TAB1: variants seen among roughly 807,000 people sequenced by gnomAD.
The protein encoded by TAB1 is TGF-beta activated kinase 1 (MAP3K7) binding protein 1.
TAB1 carries 30 observed loss-of-function variants against 54.5 expected under a neutral mutation model. That is an observed-to-expected ratio of 0.55 (90% CI 0.41 to 0.75). The LOEUF is 0.75. TAB1 is among the 30% of genes least tolerant of loss of function. The pLI, the probability that TAB1 is intolerant of heterozygous loss-of-function variation, is 0.00. For missense variants in TAB1, 609 were observed against 683.2 expected (o/e 0.89, Z 1.21); for synonymous variants, 289 against 286.9 (o/e 1.01, Z -0.07).
At chr22:39,407,347 C>G (rs1048688051) in intron 1 of TAB1, among the ~76,000 whole-genome samples, 4 of 152,206 alleles carry the variant, frequency 2.6e-5, no homozygotes, top group Non-Finnish European at 5.9e-5. Flanking sequence ...GTCCTATCAA[C>G]TGCAAATAGA....
At chr22:39,426,139 G>A (rs1458878631) in intron 8 of TAB1, among the ~76,000 whole-genome samples, 2 of 152,186 alleles carry the variant, frequency 1.3e-5, no homozygotes, top group African/African-American at 2.4e-5. Flanking sequence ...GATTACAGGC[G>A]CAAGCCACTG....
downstream of TAB1, among the ~76,000 whole-genome samples, chr22:39,435,392 C>T (rs1296119972): frequency 6.6e-6 from 1 of 152,162 alleles, no homozygotes; most frequent in African/African-American, 2.4e-5. Flanking sequence ...TAATGAAACT[C>T]TCCACTGCTC....
At position 39,416,231 on chromosome 22, in the gene TAB1, C is replaced by A. The variant is rs796563926; in HGVS notation, c.325-560C>A. 2.6e-5 allele frequency among the ~76,000 whole-genome samples: 4 copies of A among 152,298 alleles called. No individual in the cohort carries two copies. The South Asian group carries it at 8.3e-4, about 32-fold the overall frequency. On this transcript the variant is annotated intron_variant, in intron 3 of 10. Coordinates refer to ENST00000216160, the MANE Select transcript of TAB1 (RefSeq NM_006116.3). ...TTCCTGCCCTTCACGACCTCAGGCTCCATTGCCAGTGATTCTCAGCAGATC... is the reference window on the plus strand; with the variant it reads ...TTCCTGCCCTTCACGACCTCAGGCTACATTGCCAGTGATTCTCAGCAGATC...
intron 1 of TAB1, among the ~76,000 whole-genome samples, chr22:39,413,726 A>G (rs973244479): frequency 2.0e-5 from 3 of 152,230 alleles, no homozygotes; most frequent in Non-Finnish European, 4.4e-5. Flanking sequence ...CACCCAGCCA[A>G]TACAAATTTT....
chr22:39,433,310 A>T (rs1885504655), downstream of TAB1: 1 of 785,386 alleles, frequency 1.3e-6, no homozygotes, highest in Admixed American at 6.2e-5. Flanking sequence ...AGTTAGCCGG[A>T]TGTGGTGGTG....
chr22:39,429,852 T>C, intron 10 of TAB1, 163 bp from the exon 11 acceptor site: 1 of 985,474 alleles, frequency 1.0e-6, no homozygotes, highest in Non-Finnish European at 1.2e-6. Flanking sequence ...ACTTTTTATC[T>C]GTTCCTAAGA....
Position 39,430,136 on chromosome 22 carries a change from C to G in TAB1, c.1429C>G (p.Arg477Gly), listed in dbSNP as rs777948564. ...AHSLPPGEDG[R>G]VEPYVDFAEF... is the part of the protein sequence containing the mutation. Reference sequence around the variant, plus strand: ...CTCGCTCCCGCCTGGCGAGGACGGTCGTGTTGAGCCCTATGTGGACTTTGC... The same window carrying G: ...CTCGCTCCCGCCTGGCGAGGACGGTGGTGTTGAGCCCTATGTGGACTTTGC... The change falls in exon 11 of 11, where the codon CGT (arginine) becomes GGT (glycine). Residue 477 changes from arginine to glycine, a missense_variant. Coordinates refer to ENST00000216160, the MANE Select transcript of TAB1 (RefSeq NM_006116.3). The G allele has an allele frequency of 1.9e-6, 3 of 1,614,010 alleles. No individual in the cohort carries two copies. The Admixed American group carries it at 5.0e-5, about 27-fold the overall frequency.
In TAB1 at chr22:39,426,846, C is replaced by T. The variant is rs36044118; in HGVS notation, c.1065C>T (p.His355=). 3.9e-3 allele frequency: 6,306 copies of T among 1,613,664 alleles called. 164 individuals carry two copies. In the East Asian group the frequency reaches 0.046, roughly 12 times the overall value. Residue 355 remains histidine (H), a synonymous_variant, in exon 9 of 11, where the codon CAC becomes CAT. Transcript: ENST00000216160. The part of the protein sequence containing the change: ...GGERARFCPR[H]EDMTLLVRNF... Reference sequence around the variant, plus strand: ...AGCGTGCCAGGTTCTGCCCCCGGCACGAGGACATGACCCTGCTAGTGAGGA... The same window carrying T: ...AGCGTGCCAGGTTCTGCCCCCGGCATGAGGACATGACCCTGCTAGTGAGGA...
At chr22:39,409,876 G>C (rs932144188) in intron 1 of TAB1, among the ~76,000 whole-genome samples, 1 of 152,162 alleles carries the variant, frequency 6.6e-6, no homozygotes, top group African/African-American at 2.4e-5. Context: ...GAGCCTCTCT[G>C]TTTTCTCTTC....
At position 39,430,375 on chromosome 22, in the gene TAB1, G is replaced by C. The variant is rs1305270542; in HGVS notation, c.*153G>C. 5 of 1,472,016 alleles carry C rather than the reference G, an allele frequency of 3.4e-6. No homozygotes were observed. The highest frequency in any genetic ancestry group is 2.5e-5 in the East Asian group (1 of 40,356). 91.2% of individuals were successfully genotyped at this position (1,472,016 alleles called of 1,614,324 possible). A position where few individuals can be genotyped will look rare whatever the true frequency, so the allele number is the denominator to read the frequency against. ...CCCATGGCTCTCCGGGCAGTAGAGT[G>C]TGTGAGTGCAGACTGGACCTGTGGT... On this transcript the variant is annotated 3_prime_UTR_variant, in exon 11 of 11. Coordinates refer to ENST00000216160, the MANE Select transcript of TAB1 (RefSeq NM_006116.3).
chr22:39,399,812 C>G lies in TAB1; in HGVS notation c.10C>G (p.Gln4Glu). The G allele has an allele frequency of 6.3e-7, 1 of 1,597,072 alleles. No individual in the cohort carries two copies. Among genetic ancestry groups the G allele is most frequent in the South Asian group, 1.1e-5 (1 of 88,216 alleles). ...CAGGGGTTCCTCCAAGATGGCGGCG[C>G]AGAGGAGGAGCTTGCTGCAGAGTGT... Reference protein sequence around the residue: MAAQRRSLLQSEQQ... With the variant: MAAERRSLLQSEQQ... The change falls in exon 1 of 11, where the codon CAG becomes GAG. Residue 4 changes from glutamine (Q) to glutamate (E), a missense_variant. Gln to Glu is a conservative substitution (Grantham distance 29). Transcript: ENST00000216160.
Position 39,431,494 on chromosome 22 carries a change from G to A in TAB1, c.*1272G>A, listed in dbSNP as rs558059074. On this transcript the variant is annotated 3_prime_UTR_variant, in exon 11 of 11. Transcript: ENST00000216160. The stretch of plus-strand genomic sequence containing the variant: ...CTCCCTGCCCCCCATGCCCCAGACC[G>A]GCCCACCAGGGACTAGCCGCTGTCG... The A allele has an allele frequency of 1.9e-5, 19 of 985,602 alleles. No individual in the cohort carries two copies. Among genetic ancestry groups the A allele is most frequent in the East Asian group, 1.1e-4 (1 of 8,810 alleles). The allele number at this position is 985,602 out of a possible 1,614,324, so 61.1% of individuals were successfully genotyped here.
At chr22:39,429,668 G>C (rs1927501448) in intron 10 of TAB1, 1 of 308,562 alleles carries the variant, frequency 3.2e-6, no homozygotes, top group Non-Finnish European at 4.7e-6. Context: ...TTTTAGTAGA[G>C]ATGGGGTTTC....
chr22:39,436,302 A>G (rs959341397), downstream of TAB1, among the ~76,000 whole-genome samples: 10 of 139,834 alleles, frequency 7.2e-5, no homozygotes, highest in Non-Finnish European at 3.2e-5. Context: ...CAAAAAAAAG[A>G]AAAAAAAAAA....
At chr22:39,400,717 A>G (rs965818011) in intron 1 of TAB1, among the ~76,000 whole-genome samples, 1 of 152,130 alleles carries the variant, frequency 6.6e-6, no homozygotes. Context: ...AGAATTGTCT[A>G]TGGACTTGTC....
chr22:39,404,925 G>A (rs1356996034), intron 1 of TAB1, among the ~76,000 whole-genome samples: 1 of 152,212 alleles, frequency 6.6e-6, no homozygotes, highest in Admixed American at 6.5e-5. Flanking sequence ...AAGGTTGGAG[G>A]TGGTGGGGGC....
chr22:39,412,968 G>A (rs1394897320), intron 1 of TAB1, among the ~76,000 whole-genome samples: 2 of 142,308 alleles, frequency 1.4e-5, no homozygotes, highest in African/African-American at 5.2e-5. Context: ...AGGCTGGAGT[G>A]CAGTTGCACG....
chr22:39,407,997 G>A (rs1320439253), intron 1 of TAB1, among the ~76,000 whole-genome samples: 1 of 152,182 alleles, frequency 6.6e-6, no homozygotes, highest in Admixed American at 6.5e-5. Context: ...AGAGTAGCAT[G>A]TTCAGAAAGG....
chr22:39,415,773 C>T lies in TAB1; in HGVS notation c.324+120C>T, dbSNP rs573570617. On this transcript the variant is annotated intron_variant, in intron 3 of 10. Coordinates refer to ENST00000216160, the MANE Select transcript of TAB1 (RefSeq NM_006116.3). The surrounding 1 kb of genome is among the most constrained non-coding windows in gnomAD (Gnocchi z 4.9). The stretch of plus-strand genomic sequence containing the variant: ...TGAAGATCCTGCCGGCCCCTTCACC[C>T]CAGTAGAGGAGCAGCTCCCAGCGTA... 2 of 1,327,356 alleles carry T rather than the reference C, an allele frequency of 1.5e-6. No individual in the cohort carries two copies. Among genetic ancestry groups the T allele is most frequent in the African/African-American group, 2.9e-5 (2 of 68,940 alleles). The allele number at this position is 1,327,356 out of a possible 1,614,324, so 82.2% of individuals were successfully genotyped here.
Sources: gnomAD v4.1 joint callset for allele counts (sites outside exome capture counted in the v4.1 genomes callset) on GRCh38, gnomAD v4.1.1 for gene constraint, Gnocchi (gnomAD v3.1) non-coding constraint, MANE v1.5 for transcripts, NCBI Gene and HGNC (gene_info 2026-07-23, HGNC 2026-07-21) for gene names.